The following KIAA1328 variants were observed in gnomAD, a reference collection of about 807,000 sequenced individuals.
KIAA1328 encodes protein hinderin.
In KIAA1328, 52 loss-of-function variants were observed where a neutral mutation model predicts 68.1. That is an observed-to-expected ratio of 0.76 (90% CI 0.61 to 0.96). The LOEUF (loss-of-function observed/expected upper bound fraction) is 0.96, where lower values mean the gene tolerates loss of function less well. Ranked by LOEUF, KIAA1328 falls within the 40% of genes least tolerant of loss-of-function variation. KIAA1328 has a pLI of 0.00. For missense variants in KIAA1328, 641 were observed against 677.6 expected (o/e 0.95, Z 0.60); for synonymous variants, 232 against 239.4 (o/e 0.97, Z 0.28).
chr18:37,172,962 T>A lies in KIAA1328; in HGVS notation c.1415-11T>A. 6.3e-7 allele frequency: 1 copy of A among 1,583,608 alleles called. No homozygotes were observed. The highest frequency in any genetic ancestry group is 1.4e-5 in the African/African-American group (1 of 73,558). On this transcript the variant is annotated splice_polypyrimidine_tract_variant and intron_variant, in intron 8 of 9. Transcript: ENST00000280020. ...TGAATGCCCAAATTATTTTCTTTAT[T>A]TTTCATATAGGGACAGTGACAGGAG...
chr18:37,086,453 G>T (rs2057107038), intron 7 of KIAA1328, among the ~76,000 whole-genome samples: 1 of 152,090 alleles, frequency 6.6e-6, no homozygotes, highest in African/African-American at 2.4e-5. Flanking sequence ...ATTTTGTCTA[G>T]TGATTTCATC....
At chr18:36,907,507 T>C (rs1598666978) in intron 5 of KIAA1328, among the ~76,000 whole-genome samples, 1 of 152,176 alleles carries the variant, frequency 6.6e-6, no homozygotes, top group East Asian at 1.9e-4. Context: ...CAAGTGGATG[T>C]TGAATTTTCT....
chr18:36,898,515 G>A (rs2048934709), intron 5 of KIAA1328, among the ~76,000 whole-genome samples: 1 of 152,042 alleles, frequency 6.6e-6, no homozygotes, highest in South Asian at 2.1e-4. Flanking sequence ...ACCAACTTGA[G>A]AATGTTTTAT....
chr18:37,067,484 C>G lies in KIAA1328; in HGVS notation c.1171C>G (p.Gln391Glu). 1.9e-6 allele frequency: 3 copies of G among 1,550,478 alleles called. No individual in the cohort carries two copies. Among genetic ancestry groups the G allele is most frequent in the East Asian group, 2.4e-5 (1 of 41,226 alleles). The change falls in exon 7 of 10, where the codon CAG (glutamine) becomes GAG (glutamate). Residue 391 changes from glutamine (Q) to glutamate (E), a missense_variant. Coordinates refer to ENST00000280020, the MANE Select transcript of KIAA1328 (RefSeq NM_020776.3). ...GCGCCTTCAGCATCTGCTGGCCCAG[C>G]AGGAGACAAAGCTTCTTCTAAAACA... ...KERLQHLLAQ[Q>E]ETKLLLKQQQ...
chr18:37,089,461 ACCTT>A (rs2057207315), intron 7 of KIAA1328, among the ~76,000 whole-genome samples: 1 of 134,508 alleles, frequency 7.4e-6, no homozygotes, highest in Non-Finnish European at 1.5e-5. Flanking sequence ...TGCAACCTCC[ACCTT>A]CCGGGTTCAA....
intron 6 of KIAA1328, among the ~76,000 whole-genome samples, chr18:37,061,459 A>G (rs1392507387): frequency 6.6e-6 from 1 of 152,190 alleles, no homozygotes; most frequent in Non-Finnish European, 1.5e-5. Flanking sequence ...TACACTGAAG[A>G]TCTTTGCGTT....
chr18:37,101,203 A>G (rs2057603607), intron 7 of KIAA1328, among the ~76,000 whole-genome samples: 1 of 152,242 alleles, frequency 6.6e-6, no homozygotes. Flanking sequence ...AAGGCTTCAG[A>G]CGATCAAACT....
At chr18:37,080,085 G>A (rs2056899032) in intron 7 of KIAA1328, among the ~76,000 whole-genome samples, 1 of 152,120 alleles carries the variant, frequency 6.6e-6, no homozygotes, top group African/African-American at 2.4e-5. Flanking sequence ...TCTGGTGGTA[G>A]GCAGAGAATG....
At chr18:36,959,579 T>C in intron 6 of KIAA1328, 144 bp downstream of exon 6, 1 of 871,776 alleles carries the variant, frequency 1.1e-6, no homozygotes, top group Non-Finnish European at 1.7e-6. Flanking sequence ...AGTTGATGTC[T>C]TTCCCTCCCC....
intron 5 of KIAA1328, among the ~76,000 whole-genome samples, chr18:36,912,812 A>G (rs2049510465): frequency 6.6e-6 from 1 of 152,166 alleles, no homozygotes; most frequent in African/African-American, 2.4e-5. Flanking sequence ...GATCTTTCCT[A>G]AGGTACAGTT....
At chr18:36,865,580 T>G (rs1188538926) in intron 4 of KIAA1328, among the ~76,000 whole-genome samples, 5 of 152,336 alleles carry the variant, frequency 3.3e-5, no homozygotes, top group Non-Finnish European at 7.4e-5. Context: ...CTCGTTTTTT[T>G]GTTTAGTAAT....
At chr18:36,952,671 G>A (rs1298804838) in intron 5 of KIAA1328, among the ~76,000 whole-genome samples, 1 of 152,158 alleles carries the variant, frequency 6.6e-6, no homozygotes, top group East Asian at 1.9e-4. Context: ...TACGTCTTAT[G>A]CCTGTTACAT....
chr18:37,100,834 C>T lies in KIAA1328; in HGVS notation c.1232+33289C>T, dbSNP rs532382862. The stretch of plus-strand genomic sequence containing the variant: ...CTCTGAGACAAAACTTCCAGAGGAA[C>T]GATCAGGCAGCAACATTTGCTGTTC... On this transcript the variant is annotated intron_variant, in intron 7 of 9. Coordinates refer to ENST00000280020, the MANE Select transcript of KIAA1328 (RefSeq NM_020776.3). Among the ~76,000 whole-genome samples, 425 of 152,266 alleles carry T rather than the reference C, an allele frequency of 2.8e-3. 1 individual carries two copies. Among genetic ancestry groups the T allele is most frequent in the African/African-American group, 1.0e-2 (415 of 41,568 alleles).
rs557601959 is a variant in KIAA1328, at chr18:36,854,501, T to C, written c.332+10199T>C. 8.5e-5 allele frequency among the ~76,000 whole-genome samples: 13 copies of C among 152,324 alleles called. 1 individual carries two copies. In the South Asian group the frequency reaches 1.2e-3, roughly 15 times the overall value. On this transcript the variant is annotated intron_variant, in intron 4 of 9. Coordinates refer to ENST00000280020, the MANE Select transcript of KIAA1328 (RefSeq NM_020776.3). ...CCTTTACCAGTTTTCTTTATTTCTT[T>C]GGATGGCTGTGAGTTATTGTTTAAT... is the stretch of plus-strand genomic sequence containing the variant.
chr18:37,218,499 A>G (rs1413569742), intron 9 of KIAA1328, among the ~76,000 whole-genome samples: 2 of 152,208 alleles, frequency 1.3e-5, no homozygotes, highest in Admixed American at 1.3e-4. Context: ...AAGGAGACAA[A>G]AAAAGGAAAA....
At chr18:36,898,901 C>T (rs1273616080) in intron 5 of KIAA1328, among the ~76,000 whole-genome samples, 1 of 151,916 alleles carries the variant, frequency 6.6e-6, no homozygotes, top group Non-Finnish European at 1.5e-5. Context: ...TTGCTTTACA[C>T]ATTTCTTAGG....
chr18:36,959,053 A>C (rs1454609293), intron 5 of KIAA1328, among the ~76,000 whole-genome samples: 2 of 151,898 alleles, frequency 1.3e-5, no homozygotes, highest in African/African-American at 4.8e-5. Context: ...ATTTGTTTTT[A>C]TTCAAATTTA....
rs200877991 is a variant in KIAA1328 at position 37,160,381 on chromosome 18, G to A, written c.1414G>A (p.Gly472Arg). ...GAAAGATACATGTAGACCCCAAAGA[G>A]GTAAGTTTAACAACTGTAGTGGCAA... ...QKKDTCRPQR[G>R]TVTGVRKDAS... The change falls in exon 8 of 10, where the codon GGG (glycine) becomes AGG (arginine). Residue 472 changes from glycine (G) to arginine (R), a missense_variant and splice_region_variant. Gly to Arg is a moderately radical substitution (Grantham distance 125). Transcript: ENST00000280020. The A allele has an allele frequency of 2.3e-5, 37 of 1,609,812 alleles. No homozygotes were observed. The highest frequency in any genetic ancestry group is 1.7e-4 in the Middle Eastern group (1 of 6,020).
rs116309812 is a variant in KIAA1328, at chr18:37,210,893, T to C, written c.1524-11124T>C. The stretch of plus-strand genomic sequence containing the variant: ...TTCCTGATAACAAAAGTACTGTCAA[T>C]AAACTTATTGAACAAAATTAGCAAT... On this transcript the variant is annotated intron_variant, in intron 9 of 9. Transcript: ENST00000280020. Among the ~76,000 whole-genome samples the C allele has an allele frequency of 6.6e-3, 1,009 of 152,280 alleles. 16 individuals are homozygous for C. The highest frequency in any genetic ancestry group is 0.023 in the African/African-American group (935 of 41,550).
Sources: allele counts gnomAD v4.1 joint callset (sites outside exome capture counted in the v4.1 genomes callset), GRCh38; gene constraint gnomAD v4.1.1; transcripts MANE v1.5; gene names NCBI Gene and HGNC (gene_info 2026-07-23, HGNC 2026-07-21).